Variants in DNAH6 observed in about 807,000 individuals in gnomAD.
DNAH6 encodes the protein axonemal beta dynein heavy chain 6.
A neutral mutation model predicts 491.4 loss-of-function variants in DNAH6; 340 were observed. That is an observed-to-expected ratio of 0.69 (90% CI 0.63 to 0.76). The LOEUF (loss-of-function observed/expected upper bound fraction) is 0.76, where lower values mean the gene tolerates loss of function less well. Ranked by LOEUF, DNAH6 falls within the 30% of genes least tolerant of loss-of-function variation. The probability of loss-of-function intolerance (pLI) is 0.00; values close to 1 mark genes in which losing one functional copy is unlikely to be tolerated. For synonymous variants in DNAH6, 1,603 were observed against 1,686.1 expected, an observed-to-expected ratio of 0.95 and a Z score of 1.21; for missense variants, 4,443 against 4,972.2, an observed-to-expected ratio of 0.89 and a Z score of 3.20.
chr2:84,754,517 A>G (rs1421426529), intron 63 of DNAH6, among the ~76,000 whole-genome samples: 2 of 152,230 alleles, frequency 1.3e-5, no homozygotes, highest in African/African-American at 2.4e-5. Context: ...ACCAGTTGTC[A>G]CAGCATCATT....
At chr2:84,737,111 T>C (rs979911851) in intron 62 of DNAH6, among the ~76,000 whole-genome samples, 6 of 152,138 alleles carry the variant, frequency 3.9e-5, no homozygotes, top group African/African-American at 1.4e-4. Context: ...TTTAGTCCTG[T>C]TTATGAGGTG....
At chr2:84,647,044 A>G (rs1689969584) in intron 33 of DNAH6, among the ~76,000 whole-genome samples, 1 of 151,976 alleles carries the variant, frequency 6.6e-6, no homozygotes, top group African/African-American at 2.4e-5. Context: ...ACAGAGTTTC[A>G]CCATGTTGGC....
At chr2:84,723,214 C>T (rs1266176414) in intron 60 of DNAH6, among the ~76,000 whole-genome samples, 2 of 151,706 alleles carry the variant, frequency 1.3e-5, no homozygotes, top group Non-Finnish European at 1.5e-5. Flanking sequence ...GGCGACAGAG[C>T]GAGACTCTGT....
chr2:84,758,195 A>G (rs1409097917), intron 63 of DNAH6, among the ~76,000 whole-genome samples: 2 of 152,142 alleles, frequency 1.3e-5, no homozygotes, highest in African/African-American at 4.8e-5. Context: ...CCAACTTTTT[A>G]AGTTCAAAAG....
chr2:84,506,109 T>A, the DNAH6 span, among the ~76,000 whole-genome samples: 3 of 152,220 alleles, frequency 2.0e-5, no homozygotes, highest in Non-Finnish European at 4.4e-5. Flanking sequence ...GTATTTCTAG[T>A]TCTAGATCCC....
At chr2:84,693,863 G>T (rs761159997) in intron 45 of DNAH6, among the ~76,000 whole-genome samples, 4 of 152,052 alleles carry the variant, frequency 2.6e-5, no homozygotes, top group Non-Finnish European at 5.9e-5. Flanking sequence ...TCTTTTTCTA[G>T]GTTCAGTGAT....
intron 63 of DNAH6, among the ~76,000 whole-genome samples, chr2:84,747,966 T>C (rs1673125272): frequency 6.6e-6 from 1 of 152,130 alleles, no homozygotes; most frequent in African/African-American, 2.4e-5. Flanking sequence ...GTTGGAGATA[T>C]TGGGATTTGG....
At chr2:84,777,576 AC>A in intron 64 of DNAH6, 1 of 787,936 alleles carries the variant, frequency 1.3e-6, no homozygotes. Context: ...TTCCACTGTT[AC>A]TTATCTGTAT....
intron 21 of DNAH6, among the ~76,000 whole-genome samples, chr2:84,607,749 A>C (rs556696607): frequency 1.1e-4 from 17 of 152,208 alleles, no homozygotes; most frequent in Non-Finnish European, 1.9e-4. Context: ...TCAGTGACTC[A>C]TCATCTTTTG....
the DNAH6 span, among the ~76,000 whole-genome samples, chr2:84,493,016 C>T: frequency 6.6e-6 from 1 of 151,884 alleles, no homozygotes; most frequent in African/African-American, 2.4e-5. Flanking sequence ...ATATATTTTT[C>T]TATATACTAC....
intron 14 of DNAH6, among the ~76,000 whole-genome samples, chr2:84,582,612 C>T (rs1243624994): frequency 1.3e-5 from 2 of 152,176 alleles, no homozygotes; most frequent in East Asian, 3.9e-4. Flanking sequence ...CCACTGCGCC[C>T]AGCTAATTTT....
intron 39 of DNAH6, 36 bp from the exon 40 acceptor site, chr2:84,672,291 C>A: frequency 6.5e-7 from 1 of 1,535,794 alleles, no homozygotes; most frequent in South Asian, 1.2e-5. Flanking sequence ...AAGGGAAAAT[C>A]ATAATTCTTA....
At chr2:84,800,129 A>G (rs927447281) in intron 70 of DNAH6, among the ~76,000 whole-genome samples, 8 of 152,210 alleles carry the variant, frequency 5.3e-5, no homozygotes, top group East Asian at 1.9e-4. Context: ...ACAAACCTCT[A>G]TGTAACCAAA....
At chr2:84,535,703 T>C (rs1475531692) in intron 4 of DNAH6, among the ~76,000 whole-genome samples, 2 of 150,836 alleles carry the variant, frequency 1.3e-5, no homozygotes, top group African/African-American at 4.9e-5. Context: ...AAAAAATCAG[T>C]AACATCATTA....
Position 84,762,848 on chromosome 2 carries a change from A to G in DNAH6, c.10606A>G (p.Met3536Val), listed in dbSNP as rs747086633. 6.4e-7 allele frequency: 1 copy of G among 1,551,314 alleles called. No homozygotes were observed. The highest frequency in any genetic ancestry group is 1.2e-5 in the South Asian group (1 of 84,060). Residue 3536 changes from methionine (M) to valine (V), a missense_variant, in exon 64 of 77, where the codon ATG becomes GTG. Met to Val is a conservative substitution (Grantham distance 21). This residue lies in a region of DNAH6 where 1,463 missense variants were observed against 1,656.6 expected (regional missense o/e 0.88). Transcript: ENST00000389394. The stretch of plus-strand genomic sequence containing the variant: ...GGACCTGCCTACCCTGTATCAAGAC[A>G]TGTCATGCAACACTCCCCTGGTATT... ...PVDLPTLYQD[M>V]SCNTPLVFIL...
intron 22 of DNAH6, among the ~76,000 whole-genome samples, chr2:84,614,837 C>T (rs938654518): frequency 2.6e-5 from 4 of 152,018 alleles, no homozygotes; most frequent in Non-Finnish European, 4.4e-5. Context: ...TGAGAATTGT[C>T]TATTCATGTC....
At chr2:84,715,657 A>AGGG in intron 58 of DNAH6, 30 bp downstream of exon 58, 1 of 1,539,138 alleles carries the variant, frequency 6.5e-7, no homozygotes, top group Non-Finnish European at 8.8e-7. Flanking sequence ...AGGGGAGGGA[A>AGGG]GGGGGTATTG....
At chr2:84,800,459 G>C (rs747666585) in intron 70 of DNAH6, among the ~76,000 whole-genome samples, 1 of 152,100 alleles carries the variant, frequency 6.6e-6, no homozygotes, top group Non-Finnish European at 1.5e-5. Context: ...TGTATGACAA[G>C]GAAACTCAAT....
chr2:84,528,859 T>G, intron 3 of DNAH6, 45 bp from the exon 4 acceptor site: 3 of 1,477,578 alleles, frequency 2.0e-6, no homozygotes, highest in Non-Finnish European at 2.7e-6. Context: ...TGTGTGTATG[T>G]GTGCAAAGAC....
Sources: gnomAD v4.1 joint callset for allele counts (sites outside exome capture counted in the v4.1 genomes callset) on GRCh38, gnomAD v4.1.1 for gene constraint, gnomAD v4.1.1 regional missense constraint, MANE v1.5 for transcripts, NCBI Gene and HGNC (gene_info 2026-07-23, HGNC 2026-07-21) for gene names.